RPS6KA2: variants seen among roughly 807,000 people sequenced by gnomAD.
The protein encoded by RPS6KA2 is ribosomal protein S6 kinase alpha-2.
In RPS6KA2, 42 loss-of-function variants were observed where a neutral mutation model predicts 91.8. The observed-to-expected ratio is 0.46, with a 90% CI of 0.36 to 0.59. The LOEUF is 0.59. RPS6KA2 is among the 20% of genes least tolerant of loss of function. The probability of loss-of-function intolerance (pLI) is 0.00; values close to 1 mark genes in which losing one functional copy is unlikely to be tolerated. For synonymous variants in RPS6KA2, 414 were observed against 393.6 expected (o/e 1.05, Z -0.61); for missense variants, 798 against 978.5 (o/e 0.82, Z 2.46).
At chr6:166,514,939 G>C (rs1782594394) in intron 3 of RPS6KA2, among the ~76,000 whole-genome samples, 1 of 152,206 alleles carries the variant, frequency 6.6e-6, no homozygotes. Context: ...TCGGCCTGTT[G>C]AGTGCTGGGG....
At chr6:166,593,577 AT>A in intron 1 of RPS6KA2, among the ~76,000 whole-genome samples, 1 of 152,358 alleles carries the variant, frequency 6.6e-6, no homozygotes, top group Middle Eastern at 3.4e-3. Context: ...TATAAAGGAA[AT>A]AATTTATAGA....
chr6:166,563,224 T>C lies in RPS6KA2; in HGVS notation c.100-24440A>G, dbSNP rs1237462463. ...GTGGAGACACCGCCACGTCTGTGTC[T>C]CTGGAGAAGGAAGATGGAGAAGGCA... On this transcript the variant is annotated intron_variant, in intron 1 of 20. Coordinates refer to ENST00000265678, the MANE Select transcript of RPS6KA2 (RefSeq NM_021135.6). This position sits in a 1 kb window ranked among gnomAD's most constrained non-coding sequence, Gnocchi z 4.1. Among the ~76,000 whole-genome samples the C allele has an allele frequency of 3.3e-5, 5 of 152,094 alleles. No individual in the cohort carries two copies. The highest frequency in any genetic ancestry group is 5.9e-5 in the Non-Finnish European group (4 of 68,000).
At chr6:166,607,891 T>C (rs1468094927) in intron 1 of RPS6KA2, among the ~76,000 whole-genome samples, 1 of 151,708 alleles carries the variant, frequency 6.6e-6, no homozygotes, top group Non-Finnish European at 1.5e-5. Context: ...GTACCTGTGG[T>C]CCCAGCTATT....
intron 1 of RPS6KA2, among the ~76,000 whole-genome samples, chr6:166,582,290 G>A (rs1008740958): frequency 1.3e-5 from 2 of 152,214 alleles, no homozygotes; most frequent in East Asian, 3.8e-4. Context: ...ATGGAGATCT[G>A]AACTGTTGAG....
At chr6:166,714,637 C>T (rs1050595276) in intron 2 of RPS6KA2, among the ~76,000 whole-genome samples, 39 of 152,104 alleles carry the variant, frequency 2.6e-4, no homozygotes, top group African/African-American at 8.7e-4. Flanking sequence ...CGGGGCAATG[C>T]GTCCACAAGC....
chr6:166,510,188 T>G, intron 4 of RPS6KA2, 89 bp downstream of exon 4: 1 of 819,876 alleles, frequency 1.2e-6, no homozygotes, highest in Non-Finnish European at 2.0e-6. Context: ...ATTTTCTTCT[T>G]TCTGATCTGT....
chr6:166,680,630 C>A (rs7764368), intron 2 of RPS6KA2, among the ~76,000 whole-genome samples: 5 of 152,042 alleles, frequency 3.3e-5, no homozygotes, highest in Admixed American at 3.3e-4. Context: ...ACGTGCCAAC[C>A]TTATGAACTG....
At chr6:166,485,669 C>T (rs1781382872) in intron 10 of RPS6KA2, among the ~76,000 whole-genome samples, 1 of 152,184 alleles carries the variant, frequency 6.6e-6, no homozygotes, top group Non-Finnish European at 1.5e-5. Flanking sequence ...CAAACACGCC[C>T]TCAGAGTTAA....
At chr6:166,638,547 C>T (rs1304768043) in intron 2 of RPS6KA2, among the ~76,000 whole-genome samples, 7 of 152,086 alleles carry the variant, frequency 4.6e-5, no homozygotes, top group Admixed American at 2.6e-4. Context: ...AGGCGAAAGA[C>T]GGATCTAAAA....
At chr6:166,654,717 G>A (rs1479083589) in intron 2 of RPS6KA2, among the ~76,000 whole-genome samples, 1 of 152,192 alleles carries the variant, frequency 6.6e-6, no homozygotes, top group East Asian at 1.9e-4. Flanking sequence ...TCTGTAGAAT[G>A]TTTCATAGTC....
Position 166,639,148 on chromosome 6 carries a change from T to C in RPS6KA2, c.124-100364A>G, listed in dbSNP as rs1787342601. ...TCACACAGAAAATTAATGAAATGGC[T>C]GGGAAGGCAGTCGACTCCCAAATAT... On this transcript the variant is annotated intron_variant, in intron 2 of 21. Transcript: ENST00000503859. The surrounding 1 kb of genome is among the most constrained non-coding windows in gnomAD (Gnocchi z 4.2). 6.6e-6 allele frequency among the ~76,000 whole-genome samples: 1 copy of C among 152,178 alleles called. No homozygotes were observed. The highest frequency in any genetic ancestry group is 1.5e-5 in the Non-Finnish European group (1 of 68,026).
chr6:166,453,998 GCTAAATAATGT>G (rs1562504662), intron 12 of RPS6KA2, among the ~76,000 whole-genome samples: 1 of 152,182 alleles, frequency 6.6e-6, no homozygotes, highest in Non-Finnish European at 1.5e-5. Context: ...GTGCTAAATT[GCTAAATAATGT>G]CTGCATGTGG....
At chr6:166,544,198 T>C (rs1315282663) in intron 1 of RPS6KA2, among the ~76,000 whole-genome samples, 1 of 152,262 alleles carries the variant, frequency 6.6e-6, no homozygotes, top group African/African-American at 2.4e-5. Flanking sequence ...CTTTCGGTTG[T>C]ATTTCACATG....
chr6:166,466,323 T>C (rs751261501), intron 11 of RPS6KA2, among the ~76,000 whole-genome samples: 1 of 152,226 alleles, frequency 6.6e-6, no homozygotes, highest in Non-Finnish European at 1.5e-5. Context: ...GGAATGCACA[T>C]TAATCTAATG....
intron 2 of RPS6KA2, among the ~76,000 whole-genome samples, chr6:166,670,737 T>C (rs1583004405): frequency 6.6e-6 from 1 of 152,264 alleles, no homozygotes; most frequent in African/African-American, 2.4e-5. Context: ...CAACAATTGA[T>C]AGTTCCTACA....
intron 12 of RPS6KA2, among the ~76,000 whole-genome samples, chr6:166,456,519 C>T (rs1204837203): frequency 6.6e-6 from 1 of 152,178 alleles, no homozygotes; most frequent in Non-Finnish European, 1.5e-5. Flanking sequence ...AAGCAGCATG[C>T]TCTAGGGGGC....
intron 11 of RPS6KA2, among the ~76,000 whole-genome samples, chr6:166,469,117 T>C (rs9364850): frequency 0.55 from 83,333 of 151,976 alleles, 23,839 homozygotes; most frequent in African/African-American, 0.72. Flanking sequence ...GAACTCCCTG[T>C]GTGGGGGACG....
intron 3 of RPS6KA2, among the ~76,000 whole-genome samples, chr6:166,513,244 T>C (rs1373726485): frequency 6.6e-6 from 1 of 152,192 alleles, no homozygotes; most frequent in Non-Finnish European, 1.5e-5. Flanking sequence ...CAGCAGGCAG[T>C]GCTGTGGGCA....
intron 2 of RPS6KA2, among the ~76,000 whole-genome samples, chr6:166,764,191 G>A (rs1778245192): frequency 6.6e-6 from 1 of 152,156 alleles, no homozygotes; most frequent in African/African-American, 2.4e-5. Flanking sequence ...ATGAGGCTGA[G>A]CCCCAGCTCA....
Sources: gnomAD v4.1 joint callset for allele counts (sites outside exome capture counted in the v4.1 genomes callset) on GRCh38, gnomAD v4.1.1 for gene constraint, Gnocchi (gnomAD v3.1) non-coding constraint, MANE v1.5 for transcripts, NCBI Gene and HGNC (gene_info 2026-07-23, HGNC 2026-07-21) for gene names.